TLR9: variants seen among roughly 807,000 people sequenced by gnomAD.
TLR9 encodes toll like receptor 9.
In TLR9, 19 loss-of-function variants were observed where a neutral mutation model predicts 24.6. The ratio of observed to expected loss-of-function variants is 0.77; its 90% CI spans 0.54 to 1.13. The LOEUF (loss-of-function observed/expected upper bound fraction) is 1.13, where lower values mean the gene tolerates loss of function less well. Among genes scored for constraint, TLR9 ranks in the 50% most tolerant of loss-of-function variants. The pLI, the probability that TLR9 is intolerant of heterozygous loss-of-function variation, is 0.00. For missense variants in TLR9, 1,065 were observed against 1,379.6 expected, an observed-to-expected ratio of 0.77 and a Z score of 3.61; for synonymous variants, 579 against 609.8, an observed-to-expected ratio of 0.95 and a Z score of 0.74.
Position 52,224,110 on chromosome 3 carries a change from G to T in TLR9, c.206C>A (p.Ser69Tyr). 2 of 1,569,726 alleles carry T rather than the reference G, an allele frequency of 1.3e-6. No individual in the cohort carries two copies. Among genetic ancestry groups the T allele is most frequent in the African/African-American group, 2.7e-5 (2 of 74,256 alleles). ...GTGGTGGATGCGGTTGGAGGACAAG[G>T]AAAGGCTGGTGACATTGCCACGGGG... Reference protein sequence around the residue: ...AAPRGNVTSLSLSSNRIHHLH... With the variant: ...AAPRGNVTSLYLSSNRIHHLH... Residue 69 changes from serine (S) to tyrosine (Y), a missense_variant, in exon 2 of 2, where the codon TCC (serine) becomes TAC (tyrosine). By Grantham distance (144) the Ser-to-Tyr change is moderately radical. Transcript: ENST00000360658.
Position 52,222,759 on chromosome 3 carries a change from C to T in TLR9, c.1557G>A (p.Pro519=), listed in dbSNP as rs201161621. 3.2e-5 allele frequency: 51 copies of T among 1,613,824 alleles called. No individual in the cohort carries two copies. The highest frequency in any genetic ancestry group is 4.4e-5 in the South Asian group (4 of 91,092). ...GGTCTAGCACCTGCAGACCGGTCAG[C>T]GGCAGGAACTGGGAGCCATTGACTG... ...SQAVNGSQFL[P]LTGLQVLDLS... The change falls in exon 2 of 2, where the codon CCG becomes CCA. Residue 519 remains proline (P), a synonymous_variant. Coordinates refer to ENST00000360658, the MANE Select transcript of TLR9 (RefSeq NM_017442.4).
In TLR9 at chr3:52,221,721, C is replaced by T. The variant is rs749091889; in HGVS notation, c.2595G>A (p.Glu865=). ...PWRGRQSGRD[E]DALPYDAFVV... ...CGAAGGCATCGTAGGGCAGGGCATC[C>T]TCATCTCGCCCACTTTGCCGCCCCC... Residue 865 remains glutamate (E), a synonymous_variant, in exon 2 of 2, where the codon GAG becomes GAA. Transcript: ENST00000360658. This position sits in a 1 kb window ranked among gnomAD's most constrained non-coding sequence, Gnocchi z 9.9. 1.2e-6 allele frequency: 2 copies of T among 1,613,982 alleles called. No individual in the cohort carries two copies. Among genetic ancestry groups the T allele is most frequent in the East Asian group, 2.2e-5 (1 of 44,874 alleles).
At position 52,223,576 on chromosome 3, in the gene TLR9, C is replaced by T. The variant is rs749742285; in HGVS notation, c.740G>A (p.Arg247His). ...PEDLANLTAL[R>H]VLDVGGNCRR... ...GCAATTTCCGCCCACATCGAGCACA[C>T]GCAGGGCGGTCAGATTGGCCAGGTC... is the stretch of plus-strand genomic sequence containing the variant. Residue 247 changes from arginine to histidine, a missense_variant, in exon 2 of 2, where the codon CGT becomes CAT. Coordinates refer to ENST00000360658, the MANE Select transcript of TLR9 (RefSeq NM_017442.4). 7 of 1,540,314 alleles carry T rather than the reference C, an allele frequency of 4.5e-6. No homozygotes were observed. The highest frequency in any genetic ancestry group is 2.7e-5 in the African/African-American group (2 of 72,764).
Position 52,221,658 on chromosome 3 carries a change from C to T in TLR9, c.2658G>A (p.Trp886Ter). The T allele has an allele frequency of 6.2e-7, 1 of 1,613,986 alleles. No individual in the cohort carries two copies. Among genetic ancestry groups the T allele is most frequent in the Non-Finnish European group, 8.5e-7 (1 of 1,180,022 alleles). Residue 886 changes from tryptophan to a stop codon, truncating the protein, a stop_gained, in exon 2 of 2, where the codon TGG (tryptophan) becomes TGA (stop). Coordinates refer to ENST00000360658, the MANE Select transcript of TLR9 (RefSeq NM_017442.4). LOFTEE classifies it high-confidence loss of function. The surrounding 1 kb of genome is among the most constrained non-coding windows in gnomAD (Gnocchi z 9.9). ...GCTGCCCCCGAAGCTCGTTGTACACCCAGTCTGCCACTGCGCTCTGCGTTT... is the reference window on the plus strand; with the variant it reads ...GCTGCCCCCGAAGCTCGTTGTACACTCAGTCTGCCACTGCGCTCTGCGTTT... ...FDKTQSAVADWVYNELRGQLE... is the reference protein window; with the variant it reads ...FDKTQSAVAD
chr3:52,222,693 G>C lies in TLR9; in HGVS notation c.1623C>G (p.Phe541Leu). ...NKLDLYHEHS[F>L]TELPRLEALD... Reference sequence around the variant, plus strand: ...GGGCCTCCAGTCGCGGTAGCTCCGTGAATGAGTGCTCGTGGTAGAGGTCCA... The same window carrying C: ...GGGCCTCCAGTCGCGGTAGCTCCGTCAATGAGTGCTCGTGGTAGAGGTCCA... Residue 541 changes from phenylalanine to leucine, a missense_variant, in exon 2 of 2, where the codon TTC (phenylalanine) becomes TTG (leucine). Phe to Leu is a conservative substitution (Grantham distance 22, BLOSUM62 0). Coordinates refer to ENST00000360658, the MANE Select transcript of TLR9 (RefSeq NM_017442.4). 1 of 1,613,242 alleles carries C rather than the reference G, an allele frequency of 6.2e-7. No individual in the cohort carries two copies. The highest frequency in any genetic ancestry group is 1.1e-5 in the South Asian group (1 of 91,074).
Position 52,223,158 on chromosome 3 carries a change from T to C in TLR9, c.1158A>G (p.Pro386=), listed in dbSNP as rs372958881. Residue 386 remains proline (P), a synonymous_variant, in exon 2 of 2, where the codon CCA becomes CCG. Transcript: ENST00000360658. Reference sequence around the variant, plus strand: ...TCTGGAGCATGGGCAGGCGGGCCAGTGGCCGGAGCGTGGTCTCATCGAGTG... The same window carrying C: ...TCTGGAGCATGGGCAGGCGGGCCAGCGGCCGGAGCGTGGTCTCATCGAGTG... ...FRSLDETTLR[P]LARLPMLQTL... 1 of 1,613,784 alleles carries C rather than the reference T, an allele frequency of 6.2e-7. No individual in the cohort carries two copies. The highest frequency in any genetic ancestry group is 1.3e-5 in the African/African-American group (1 of 74,942).
chr3:52,222,560 T>C lies in TLR9; in HGVS notation c.1756A>G (p.Asn586Asp). ...TGCTGGGACACTTGGCTGTGGATGT[T>C]GTTGTGGGCCAGGCTGAGGTGGCGC... ...TLRHLSLAHNNIHSQVSQQLC... is the reference protein window; with the variant it reads ...TLRHLSLAHNDIHSQVSQQLC... The change falls in exon 2 of 2, where the codon AAC becomes GAC. Residue 586 changes from asparagine (N) to aspartate (D), a missense_variant. Asn to Asp is a conservative substitution (Grantham distance 23, BLOSUM62 1). Transcript: ENST00000360658. 1 of 1,614,146 alleles carries C rather than the reference T, an allele frequency of 6.2e-7. No homozygotes were observed. The highest frequency in any genetic ancestry group is 1.1e-5 in the South Asian group (1 of 91,082).
In TLR9 at chr3:52,221,942, T is replaced by C. The variant is rs1456153842; in HGVS notation, c.2374A>G (p.Ser792Gly). ...PGLPSRVKCG[S>G]PGQLQGLSIF... The stretch of plus-strand genomic sequence containing the variant: ...CTGAGGCCCTGGAGCTGGCCCGGAC[T>C]GCCACACTTCACCCGGCTGGGCAGA... The change falls in exon 2 of 2, where the codon AGT becomes GGT. Residue 792 changes from serine (S) to glycine (G), a missense_variant. Ser to Gly is a moderately conservative substitution (Grantham distance 56). Transcript: ENST00000360658. The surrounding 1 kb of genome is among the most constrained non-coding windows in gnomAD (Gnocchi z 9.9). The C allele has an allele frequency of 6.2e-7, 1 of 1,612,076 alleles. No homozygotes were observed. The highest frequency in any genetic ancestry group is 1.3e-5 in the African/African-American group (1 of 74,924).
rs1481791404 is a variant in TLR9 at position 52,222,442 on chromosome 3, T to C, written c.1874A>G (p.Gln625Arg). The C allele has an allele frequency of 6.2e-7, 1 of 1,614,072 alleles. No homozygotes were observed. Among genetic ancestry groups the C allele is most frequent in the Non-Finnish European group, 8.5e-7 (1 of 1,180,048 alleles). The change falls in exon 2 of 2, where the codon CAA (glutamine) becomes CGA (arginine). Residue 625 changes from glutamine (Q) to arginine (R), a missense_variant. Coordinates refer to ENST00000360658, the MANE Select transcript of TLR9 (RefSeq NM_017442.4). ...CAGCCAGATCAAACCGCTCAGGCCT[T>C]GGAAGAAGTGCAGATAGAGGTCTCC... ...AEGDLYLHFF[Q>R]GLSGLIWLDL...
intron 1 of TLR9, 62 bp downstream of exon 1, chr3:52,225,465 T>C: frequency 6.2e-7 from 1 of 1,606,238 alleles, no homozygotes; most frequent in South Asian, 1.1e-5. Flanking sequence ...CCAAGCCCAC[T>C]TCTTTCCCCA....
chr3:52,223,515 C>T lies in TLR9; in HGVS notation c.801G>A (p.Glu267=), dbSNP rs1257287177. Residue 267 remains glutamate (E), a synonymous_variant, in exon 2 of 2, where the codon GAG becomes GAA. Coordinates refer to ENST00000360658, the MANE Select transcript of TLR9 (RefSeq NM_017442.4). The part of the protein sequence containing the change: ...RCDHAPNPCM[E]CPRHFPQLHP... Reference sequence around the variant, plus strand: ...GTAGCTGGGGGAAGTGACGAGGGCACTCCATGCAGGGGTTGGGAGCGTGGT... The same window carrying T: ...GTAGCTGGGGGAAGTGACGAGGGCATTCCATGCAGGGGTTGGGAGCGTGGT... 6.4e-7 allele frequency: 1 copy of T among 1,550,968 alleles called. No individual in the cohort carries two copies. Among genetic ancestry groups the T allele is most frequent in the Admixed American group, 1.9e-5 (1 of 52,450 alleles).
In TLR9 at chr3:52,221,138, C is replaced by T. The variant is rs200563606; in HGVS notation, c.*79G>A. Reference sequence around the variant, plus strand: ...TGTGTCAGGTGTGGGGTGAGGGAGGCGAGCAGGGGAGGGTCAGACCAGGCA... The same window carrying T: ...TGTGTCAGGTGTGGGGTGAGGGAGGTGAGCAGGGGAGGGTCAGACCAGGCA... On this transcript the variant is annotated 3_prime_UTR_variant, in exon 2 of 2. Transcript: ENST00000360658. The surrounding 1 kb of genome is among the most constrained non-coding windows in gnomAD (Gnocchi z 9.9). 2.4e-5 allele frequency: 32 copies of T among 1,346,444 alleles called. No individual in the cohort carries two copies. The highest frequency in any genetic ancestry group is 2.3e-4 in the South Asian group (15 of 64,652). 83.4% of individuals were successfully genotyped at this position (1,346,444 alleles called of 1,614,324 possible). A position where few individuals can be genotyped will look rare whatever the true frequency, so the allele number is the denominator to read the frequency against.
chr3:52,224,855 T>C (rs1209660672), intron 1 of TLR9, among the ~76,000 whole-genome samples: 1 of 152,260 alleles, frequency 6.6e-6, no homozygotes, highest in Non-Finnish European at 1.5e-5. Context: ...CATCACTCTC[T>C]GCCTGCCTCA....
In TLR9 at chr3:52,223,294, A is replaced by G; in HGVS notation, c.1022T>C (p.Leu341Pro). The G allele has an allele frequency of 6.2e-7, 1 of 1,614,216 alleles. No homozygotes were observed. The highest frequency in any genetic ancestry group is 8.5e-7 in the Non-Finnish European group (1 of 1,180,034). Residue 341 changes from leucine (L) to proline (P), a missense_variant, in exon 2 of 2, where the codon CTG becomes CCG. By Grantham distance (98) the Leu-to-Pro change is moderately conservative (BLOSUM62 -3). Coordinates refer to ENST00000360658, the MANE Select transcript of TLR9 (RefSeq NM_017442.4). ...CACCCTCTTTTGGTAATTGAAGGAC[A>G]GGTTAAGCTTGCGCAGCTGTGTTAG... ...QGLTQLRKLN[L>P]SFNYQKRVSF...
chr3:52,221,151 G>A lies in TLR9; in HGVS notation c.*66C>T. ...GGGTGAGGGAGGCGAGCAGGGGAGGGTCAGACCAGGCAGGCAGAGGTGAGG... is the reference window on the plus strand; with the variant it reads ...GGGTGAGGGAGGCGAGCAGGGGAGGATCAGACCAGGCAGGCAGAGGTGAGG... On this transcript the variant is annotated 3_prime_UTR_variant, in exon 2 of 2. Transcript: ENST00000360658. This position sits in a 1 kb window ranked among gnomAD's most constrained non-coding sequence, Gnocchi z 9.9. 1 of 1,440,668 alleles carries A rather than the reference G, an allele frequency of 6.9e-7. No homozygotes were observed. The highest frequency in any genetic ancestry group is 2.4e-5 in the Admixed American group (1 of 41,066). The allele number at this position is 1,440,668 out of a possible 1,614,324, so 89.2% of individuals were successfully genotyped here. A position where few individuals can be genotyped will look rare whatever the true frequency, so the allele number is the denominator to read the frequency against.
chr3:52,222,682 G>A lies in TLR9; in HGVS notation c.1634C>T (p.Pro545Leu), dbSNP rs760989847. ...GCTGAGGTCCAGGGCCTCCAGTCGC[G>A]GTAGCTCCGTGAATGAGTGCTCGTG... The part of the protein sequence containing the change: ...LYHEHSFTEL[P>L]RLEALDLSYN... The change falls in exon 2 of 2, where the codon CCG becomes CTG. Residue 545 changes from proline to leucine, a missense_variant. Physicochemically the swap from Pro to Leu is moderately conservative, Grantham distance 98. Coordinates refer to ENST00000360658, the MANE Select transcript of TLR9 (RefSeq NM_017442.4). 6 of 1,613,216 alleles carry A rather than the reference G, an allele frequency of 3.7e-6. No individual in the cohort carries two copies. The highest frequency in any genetic ancestry group is 1.1e-5 in the South Asian group (1 of 91,082).
Position 52,222,444 on chromosome 3 carries a change from G to C in TLR9, c.1872C>G (p.Phe624Leu), listed in dbSNP as rs1404073219. The change falls in exon 2 of 2, where the codon TTC (phenylalanine) becomes TTG (leucine). Residue 624 changes from phenylalanine to leucine, a missense_variant. Phe to Leu is a conservative substitution (Grantham distance 22). Coordinates refer to ENST00000360658, the MANE Select transcript of TLR9 (RefSeq NM_017442.4). ...GCCAGATCAAACCGCTCAGGCCTTG[G>C]AAGAAGTGCAGATAGAGGTCTCCCT... ...WAEGDLYLHFFQGLSGLIWLD... is the reference protein window; with the variant it reads ...WAEGDLYLHFLQGLSGLIWLD... 3 of 1,614,218 alleles carry C rather than the reference G, an allele frequency of 1.9e-6. No individual in the cohort carries two copies. Among genetic ancestry groups the C allele is most frequent in the Admixed American group, 1.7e-5 (1 of 60,024 alleles).
Position 52,221,673 on chromosome 3 carries a change from G to A in TLR9, c.2643C>T (p.Ser881=), listed in dbSNP as rs200817942. 1.3e-5 allele frequency: 21 copies of A among 1,613,804 alleles called. No individual in the cohort carries two copies. Among genetic ancestry groups the A allele is most frequent in the South Asian group, 3.3e-5 (3 of 91,086 alleles). ...DAFVVFDKTQ[S]AVADWVYNEL... Reference sequence around the variant, plus strand: ...CGTTGTACACCCAGTCTGCCACTGCGCTCTGCGTTTTGTCGAAGACCACGA... The same window carrying A: ...CGTTGTACACCCAGTCTGCCACTGCACTCTGCGTTTTGTCGAAGACCACGA... Residue 881 remains serine (S), a synonymous_variant, in exon 2 of 2, where the codon AGC becomes AGT. Transcript: ENST00000360658. The surrounding 1 kb of genome is among the most constrained non-coding windows in gnomAD (Gnocchi z 9.9).
Position 52,222,166 on chromosome 3 carries a change from G to A in TLR9, c.2150C>T (p.Ala717Val). ...DVSCNSISFV[A>V]PGFFSKAKEL... ...CTTGGCCTTGGAAAAGAAGCCGGGG[G>A]CCACGAAGCTGATGCTGTTGCAGCT... Residue 717 changes from alanine to valine, a missense_variant, in exon 2 of 2, where the codon GCC becomes GTC. Ala to Val is a moderately conservative substitution (Grantham distance 64). Transcript: ENST00000360658. The A allele has an allele frequency of 6.2e-7, 1 of 1,613,810 alleles. No homozygotes were observed. The highest frequency in any genetic ancestry group is 8.5e-7 in the Non-Finnish European group (1 of 1,179,904).
Sources: allele counts gnomAD v4.1 joint callset (sites outside exome capture counted in the v4.1 genomes callset), GRCh38; gene constraint gnomAD v4.1.1; non-coding constraint Gnocchi (gnomAD v3.1); transcripts MANE v1.5; gene names NCBI Gene and HGNC (gene_info 2026-07-23, HGNC 2026-07-21).